ZNF808: variants seen among roughly 807,000 people sequenced by gnomAD.
ZNF808 encodes the protein zinc finger protein 808.
A neutral mutation model predicts 8.7 loss-of-function variants in ZNF808; 5 were observed. The ratio of observed to expected loss-of-function variants is 0.58; its 90% CI spans 0.30 to 1.21. The LOEUF is 1.21. ZNF808 is among the 50% of genes most tolerant of loss of function. ZNF808 has a pLI of 0.07. For missense variants in ZNF808, 1,103 were observed against 1,098.4 expected, an observed-to-expected ratio of 1.00 and a Z score of -0.06; for synonymous variants, 380 against 366.0, an observed-to-expected ratio of 1.04 and a Z score of -0.44.
In ZNF808 at chr19:52,547,495, T is replaced by G; in HGVS notation, c.64-17T>G. On this transcript the variant is annotated splice_polypyrimidine_tract_variant and intron_variant, in intron 3 of 4. Transcript: ENST00000359798. Reference sequence around the variant, plus strand: ...AATCCTCCATAATGTTTTGTTGAAATGTATGTTTCATTTTAGGGACGCTTG... The same window carrying G: ...AATCCTCCATAATGTTTTGTTGAAAGGTATGTTTCATTTTAGGGACGCTTG... The G allele has an allele frequency of 6.2e-7, 1 of 1,613,368 alleles. No homozygotes were observed. Among genetic ancestry groups the G allele is most frequent in the South Asian group, 1.1e-5 (1 of 90,948 alleles).
chr19:52,531,834 T>C (rs2123064180), intron 1 of ZNF808, among the ~76,000 whole-genome samples: 1 of 152,334 alleles, frequency 6.6e-6, no homozygotes, highest in Admixed American at 6.5e-5. Flanking sequence ...GTAACTGTAC[T>C]TGTGACATTG....
In ZNF808 at chr19:52,532,908, A is replaced by G. The variant is rs1006448722; in HGVS notation, c.-121A>G. On this transcript the variant is annotated splice_region_variant and 5_prime_UTR_variant, in exon 2 of 5. Coordinates refer to ENST00000359798, the MANE Select transcript of ZNF808 (RefSeq NM_001039886.4). ...ACGTATTGGTGTTTATATTTTGTAG[A>G]TATCTCTTCCAAATGCTTGATGAAA... The G allele has an allele frequency of 1.1e-5, 2 of 174,920 alleles. No individual in the cohort carries two copies. The highest frequency in any genetic ancestry group is 2.4e-5 in the African/African-American group (1 of 41,978). The allele number at this position is 174,920 out of a possible 1,614,324, so 10.8% of individuals were successfully genotyped here.
At chr19:52,529,359 T>G (rs138482946) in intron 1 of ZNF808, among the ~76,000 whole-genome samples, 9 of 152,118 alleles carry the variant, frequency 5.9e-5, no homozygotes, top group African/African-American at 2.2e-4. Flanking sequence ...TGCAGCCTGG[T>G]CAACAGAGCG....
At chr19:52,535,107 G>A (rs1450181773) in intron 2 of ZNF808, among the ~76,000 whole-genome samples, 1 of 150,822 alleles carries the variant, frequency 6.6e-6, no homozygotes. Context: ...TGAGGTGGGC[G>A]GATCACAAGG....
rs749741118 is a variant in ZNF808 at position 52,553,865 on chromosome 19, T to A, written c.949T>A (p.Cys317Ser). The A allele has an allele frequency of 1.3e-5, 21 of 1,614,030 alleles. No homozygotes were observed. Among genetic ancestry groups the A allele is most frequent in the Non-Finnish European group, 1.7e-5 (20 of 1,180,038 alleles). The part of the protein sequence containing the change: ...RLHTGVKPYK[C>S]NECGKVFRQN... ...TCATACTGGAGTAAAACCTTACAAGTGTAATGAGTGTGGCAAGGTCTTTCG... is the reference window on the plus strand; with the variant it reads ...TCATACTGGAGTAAAACCTTACAAGAGTAATGAGTGTGGCAAGGTCTTTCG... The change falls in exon 5 of 5, where the codon TGT (cysteine) becomes AGT (serine). Residue 317 changes from cysteine (C) to serine (S), a missense_variant. Transcript: ENST00000359798.
In ZNF808 at chr19:52,555,957, T is replaced by G. The variant is rs569522421; in HGVS notation, c.*329T>G. On this transcript the variant is annotated 3_prime_UTR_variant, in exon 5 of 5. Transcript: ENST00000359798. Reference sequence around the variant, plus strand: ...GAGAATCCATACTGGACAGAAATCTTGCAAATGTCATCAGTGTGGCAAGGT... The same window carrying G: ...GAGAATCCATACTGGACAGAAATCTGGCAAATGTCATCAGTGTGGCAAGGT... 7 of 645,068 alleles carry G rather than the reference T, an allele frequency of 1.1e-5. No homozygotes were observed. The highest frequency in any genetic ancestry group is 1.1e-4 in the African/African-American group (6 of 55,824). 40.0% of individuals were successfully genotyped at this position (645,068 alleles called of 1,614,324 possible).
chr19:52,559,562 TTCTC>T (rs1448274100), downstream of ZNF808, among the ~76,000 whole-genome samples: 1 of 152,070 alleles, frequency 6.6e-6, no homozygotes, highest in Non-Finnish European at 1.5e-5. Flanking sequence ...CTACTTTTCT[TTCTC>T]TGTACTTTGT....
At chr19:52,543,181 G>A in intron 2 of ZNF808, 85 bp from the exon 3 acceptor site, 2 of 1,418,474 alleles carry the variant, frequency 1.4e-6, no homozygotes, top group Non-Finnish European at 1.9e-6. Context: ...TTTCTACAGG[G>A]TGACATCTCC....
intron 1 of ZNF808, among the ~76,000 whole-genome samples, chr19:52,531,547 G>T (rs560141637): frequency 6.9e-6 from 1 of 144,960 alleles, no homozygotes; most frequent in Non-Finnish European, 1.5e-5. Context: ...TAGTCAACAC[G>T]CATGACCAAA....
chr19:52,549,605 A>T (rs2059755707), intron 4 of ZNF808, among the ~76,000 whole-genome samples: 1 of 152,022 alleles, frequency 6.6e-6, no homozygotes, highest in Non-Finnish European at 1.5e-5. Context: ...CTTTCGTCCA[A>T]GCTCAAGATT....
chr19:52,551,078 A>T (rs2059771929), intron 4 of ZNF808, among the ~76,000 whole-genome samples: 1 of 152,088 alleles, frequency 6.6e-6, no homozygotes, highest in Admixed American at 6.5e-5. Flanking sequence ...AAAATTGGGC[A>T]TGATGACTCA....
At chr19:52,537,787 C>G (rs2059627726) in intron 2 of ZNF808, among the ~76,000 whole-genome samples, 1 of 151,498 alleles carries the variant, frequency 6.6e-6, no homozygotes, top group Admixed American at 6.6e-5. Context: ...TCTATAAAAT[C>G]TAATAACTTG....
intron 2 of ZNF808, among the ~76,000 whole-genome samples, chr19:52,542,332 C>T (rs1160173711): frequency 6.6e-6 from 1 of 152,146 alleles, no homozygotes; most frequent in African/African-American, 2.4e-5. Context: ...ACCTCATCTC[C>T]TACCTGTGCC....
intron 1 of ZNF808, among the ~76,000 whole-genome samples, chr19:52,529,631 AC>A (rs1337278577): frequency 6.6e-6 from 1 of 152,200 alleles, no homozygotes; most frequent in Non-Finnish European, 1.5e-5. Flanking sequence ...GTTGTGAATC[AC>A]TGTCTTCCCT....
rs191756004 is a variant in ZNF808, at chr19:52,553,878, G to T, written c.962G>T (p.Gly321Val). The stretch of plus-strand genomic sequence containing the variant: ...AAACCTTACAAGTGTAATGAGTGTG[G>T]CAAGGTCTTTCGTCAAAATTCAGCC... ...GVKPYKCNECGKVFRQNSALV... is the reference protein window; with the variant it reads ...GVKPYKCNECVKVFRQNSALV... Residue 321 changes from glycine to valine, a missense_variant, in exon 5 of 5, where the codon GGC (glycine) becomes GTC (valine). Physicochemically the swap from Gly to Val is moderately radical, Grantham distance 109. Transcript: ENST00000359798. The T allele has an allele frequency of 6.2e-7, 1 of 1,614,094 alleles. No homozygotes were observed. Among genetic ancestry groups the T allele is most frequent in the Admixed American group, 1.7e-5 (1 of 59,988 alleles).
intron 2 of ZNF808, among the ~76,000 whole-genome samples, chr19:52,536,515 C>G (rs1485276330): frequency 6.6e-6 from 1 of 152,146 alleles, no homozygotes; most frequent in Non-Finnish European, 1.5e-5. Flanking sequence ...CATCCCCCCT[C>G]GTGGTGGGCC....
intron 2 of ZNF808, chr19:52,536,143 G>C (rs1196591466): frequency 6.5e-6 from 1 of 152,822 alleles, no homozygotes. Context: ...GGAAATTCTC[G>C]CCTGTCTTCC....
chr19:52,528,216 C>G (rs531853227), intron 1 of ZNF808, among the ~76,000 whole-genome samples: 1 of 152,304 alleles, frequency 6.6e-6, no homozygotes, highest in Non-Finnish European at 1.5e-5. Flanking sequence ...CCAGGTCTCT[C>G]CTCCGCAGTC....
At chr19:52,561,196 CTCTCTCTCTCTCTCTCTATATA>C (rs1451566348), downstream of ZNF808, among the ~76,000 whole-genome samples, 4,888 of 60,638 alleles carry the variant, frequency 0.081, 197 homozygotes, top group Middle Eastern at 0.16. Flanking sequence ...CTCTCTCTCT[CTCTCTCTCTCTCTCTCTATATA>C]TATATATATA....
Sources: gnomAD v4.1 joint callset for allele counts (sites outside exome capture counted in the v4.1 genomes callset) on GRCh38, gnomAD v4.1.1 for gene constraint, MANE v1.5 for transcripts, NCBI Gene and HGNC (gene_info 2026-07-23, HGNC 2026-07-21) for gene names.